The following PAQR5 variants were observed in gnomAD, a reference collection of about 807,000 sequenced individuals.
PAQR5 encodes the protein membrane progestin receptor gamma.
Under a neutral mutation model 34.5 loss-of-function variants are expected in PAQR5, and 20 were observed. The ratio of observed to expected loss-of-function variants is 0.58; its 90% CI spans 0.41 to 0.84. The LOEUF is 0.84. PAQR5 is among the 40% of genes least tolerant of loss of function. The pLI, the probability that PAQR5 is intolerant of heterozygous loss-of-function variation, is 0.00. For missense variants in PAQR5, 378 were observed against 412.7 expected (o/e 0.92, Z 0.73); for synonymous variants, 131 against 155.6 (o/e 0.84, Z 1.18).
intron 1 of PAQR5, among the ~76,000 whole-genome samples, chr15:69,334,952 G>T (rs2054477147): frequency 6.6e-6 from 1 of 152,180 alleles, no homozygotes; most frequent in Non-Finnish European, 1.5e-5. Context: ...GCTGGGCGCG[G>T]TGGCTCACGC....
chr15:69,305,839 T>G (rs2053703859), intron 1 of PAQR5, among the ~76,000 whole-genome samples: 1 of 152,214 alleles, frequency 6.6e-6, no homozygotes, highest in South Asian at 2.1e-4. Context: ...GGAAACCCCC[T>G]TCTGACCTTG....
At chr15:69,321,786 A>G (rs974409248) in intron 1 of PAQR5, among the ~76,000 whole-genome samples, 3 of 152,210 alleles carry the variant, frequency 2.0e-5, no homozygotes, top group Non-Finnish European at 4.4e-5. Flanking sequence ...AGCAGAAGTC[A>G]TTCAGTGGCT....
chr15:69,325,834 G>A (rs2054238587), intron 1 of PAQR5, among the ~76,000 whole-genome samples: 1 of 152,088 alleles, frequency 6.6e-6, no homozygotes, highest in Non-Finnish European at 1.5e-5. Context: ...ACAGCCATCT[G>A]CCCGGGAAAC....
At chr15:69,376,418 C>T (rs1454309835) in intron 3 of PAQR5, among the ~76,000 whole-genome samples, 3 of 152,166 alleles carry the variant, frequency 2.0e-5, no homozygotes, top group Non-Finnish European at 2.9e-5. Context: ...AGTGGGAAGA[C>T]GGAGAGAATG....
At chr15:69,342,405 A>C (rs1439158836) in intron 2 of PAQR5, among the ~76,000 whole-genome samples, 1 of 151,956 alleles carries the variant, frequency 6.6e-6, no homozygotes, top group African/African-American at 2.4e-5. Flanking sequence ...TTTTTTGTCA[A>C]GTTCTGGGAA....
At chr15:69,379,395 A>G (rs1595914594) in intron 3 of PAQR5, 2 of 984,712 alleles carry the variant, frequency 2.0e-6, no homozygotes, top group East Asian at 1.1e-4. Flanking sequence ...GGTCCTCATC[A>G]TCAAAAGCCC....
chr15:69,393,506 C>A (rs930566429), intron 6 of PAQR5, among the ~76,000 whole-genome samples: 2 of 148,160 alleles, frequency 1.3e-5, no homozygotes, highest in East Asian at 4.0e-4. Flanking sequence ...GAGACAATAC[C>A]CTCTGGGTCC....
intron 1 of PAQR5, among the ~76,000 whole-genome samples, chr15:69,318,897 G>A (rs1309122350): frequency 6.6e-6 from 1 of 151,722 alleles, no homozygotes; most frequent in Non-Finnish European, 1.5e-5. Context: ...TTGGGAGGCC[G>A]AGGCAGGTGG....
intron 1 of PAQR5, among the ~76,000 whole-genome samples, chr15:69,315,779 C>A (rs2053931288): frequency 6.6e-6 from 1 of 152,240 alleles, no homozygotes; most frequent in African/African-American, 2.4e-5. Context: ...CCATGACAAG[C>A]AATGGCAGTT....
At chr15:69,369,688 G>A (rs566589714) in intron 3 of PAQR5, among the ~76,000 whole-genome samples, 4 of 151,762 alleles carry the variant, frequency 2.6e-5, no homozygotes, top group African/African-American at 9.7e-5. Context: ...AAAATAGTAG[G>A]GGCATGGACC....
At chr15:69,362,342 G>C (rs1335364757) in intron 3 of PAQR5, among the ~76,000 whole-genome samples, 1 of 152,136 alleles carries the variant, frequency 6.6e-6, no homozygotes, top group East Asian at 1.9e-4. Context: ...TGGGTTTTTG[G>C]GCATCATGCC....
At chr15:69,348,092 G>A (rs1346496616) in intron 2 of PAQR5, among the ~76,000 whole-genome samples, 1 of 151,174 alleles carries the variant, frequency 6.6e-6, no homozygotes, top group Non-Finnish European at 1.5e-5. Flanking sequence ...TCCCTCCACA[G>A]ACCTTCAGGC....
At chr15:69,313,857 G>A (rs577090040) in intron 1 of PAQR5, among the ~76,000 whole-genome samples, 1 of 152,264 alleles carries the variant, frequency 6.6e-6, no homozygotes, top group South Asian at 2.1e-4. Flanking sequence ...GTGGGGATCT[G>A]TGAATGTTGC....
chr15:69,301,185 G>T (rs1386489477), intron 1 of PAQR5, among the ~76,000 whole-genome samples: 1 of 151,736 alleles, frequency 6.6e-6, no homozygotes, highest in African/African-American at 2.4e-5. Context: ...TGCATTTTTA[G>T]TAGAGACAGG....
intron 2 of PAQR5, among the ~76,000 whole-genome samples, chr15:69,346,512 C>T (rs902490416): frequency 2.0e-5 from 3 of 151,698 alleles, no homozygotes; most frequent in Non-Finnish European, 4.4e-5. Context: ...GTTGCCCAGG[C>T]TGGTCTTAAA....
At chr15:69,348,668 T>A (rs771067783) in intron 2 of PAQR5, among the ~76,000 whole-genome samples, 1 of 152,114 alleles carries the variant, frequency 6.6e-6, no homozygotes, top group Non-Finnish European at 1.5e-5. Context: ...CATATAGTAC[T>A]AGACTCCAGA....
At chr15:69,305,560 C>T (rs1212543953) in intron 1 of PAQR5, among the ~76,000 whole-genome samples, 5 of 152,012 alleles carry the variant, frequency 3.3e-5, no homozygotes, top group African/African-American at 9.7e-5. Flanking sequence ...GGTTCGGGCC[C>T]GCACACTAAG....
intron 1 of PAQR5, among the ~76,000 whole-genome samples, chr15:69,300,989 T>TTCTC: frequency 6.6e-5 from 7 of 106,850 alleles, no homozygotes; most frequent in African/African-American, 2.2e-4. Context: ...CTTTCTTTCT[T>TTCTC]TCTTTCTTTC....
At chr15:69,314,251 C>G (rs1321377027) in intron 1 of PAQR5, among the ~76,000 whole-genome samples, 2 of 151,938 alleles carry the variant, frequency 1.3e-5, no homozygotes, top group African/African-American at 4.8e-5. Flanking sequence ...AAAACTTTGG[C>G]TTAAGCGTGG....
Sources: allele counts gnomAD v4.1 joint callset (sites outside exome capture counted in the v4.1 genomes callset), GRCh38; gene constraint gnomAD v4.1.1; transcripts MANE v1.5; gene names NCBI Gene and HGNC (gene_info 2026-07-23, HGNC 2026-07-21).